Variants in SEMA5A observed in about 807,000 individuals in gnomAD.
The protein encoded by SEMA5A is semaphorin-5A.
Under a neutral mutation model 135.5 loss-of-function variants are expected in SEMA5A, and 55 were observed. The ratio of observed to expected loss-of-function variants is 0.41; its 90% CI spans 0.33 to 0.51. The LOEUF (loss-of-function observed/expected upper bound fraction) is 0.51. Ranked by LOEUF, SEMA5A falls within the 20% of genes least tolerant of loss-of-function variation. The probability of loss-of-function intolerance (pLI) is 0.37; values close to 1 mark genes in which losing one functional copy is unlikely to be tolerated. For synonymous variants in SEMA5A, 580 were observed against 546.5 expected (o/e 1.06, Z -0.85); for missense variants, 1,290 against 1,419.9 (o/e 0.91, Z 1.47).
intron 14 of SEMA5A, 151 bp from the exon 15 acceptor site, chr5:9,119,292 T>C (rs1740687714): frequency 4.6e-6 from 4 of 877,846 alleles, no homozygotes; most frequent in Admixed American, 2.9e-5. Context: ...CTGAATGGAC[T>C]GCACCCTGTG....
At position 9,155,159 on chromosome 5, in the gene SEMA5A, C is replaced by T. The variant is rs76180327; in HGVS notation, c.1274-464G>A. On this transcript the variant is annotated intron_variant, in intron 11 of 22. Coordinates refer to ENST00000382496, the MANE Select transcript of SEMA5A (RefSeq NM_003966.3). ...TCCAGTACGACTGTGATGCCCCCTC[C>T]TCCTTCCTGCCACGAGAAGTACACC... is the stretch of plus-strand genomic sequence containing the variant. Among the ~76,000 whole-genome samples the T allele has an allele frequency of 1.4e-4, 21 of 152,288 alleles. No individual in the cohort carries two copies. The East Asian group carries it at 3.1e-3, about 22-fold the overall frequency.
At chr5:9,326,600 C>T (rs889040812) in intron 4 of SEMA5A, among the ~76,000 whole-genome samples, 1 of 151,972 alleles carries the variant, frequency 6.6e-6, no homozygotes, top group Non-Finnish European at 1.5e-5. Flanking sequence ...GCCAACATGG[C>T]GGGAACCTAC....
chr5:9,518,624 C>T, intron 1 of SEMA5A, among the ~76,000 whole-genome samples: 1 of 152,182 alleles, frequency 6.6e-6, no homozygotes, highest in East Asian at 1.9e-4. Flanking sequence ...AATTCCACTG[C>T]CATAAGCAAC....
At position 9,195,414 on chromosome 5, in the gene SEMA5A, C is replaced by G. The variant is rs1264106175; in HGVS notation, c.1068+1754G>C. 3.3e-5 allele frequency among the ~76,000 whole-genome samples: 5 copies of G among 152,284 alleles called. No individual in the cohort carries two copies. The East Asian group carries it at 9.7e-4, about 29-fold the overall frequency. On this transcript the variant is annotated intron_variant, in intron 10 of 22. Transcript: ENST00000382496. ...CTCGAAATCCTGGCCTCAGGAGATCCTCCTGCCTTGGCCTCACAAAGCACT... is the reference window on the plus strand; with the variant it reads ...CTCGAAATCCTGGCCTCAGGAGATCGTCCTGCCTTGGCCTCACAAAGCACT...
intron 17 of SEMA5A, 84 bp downstream of exon 17, chr5:9,066,337 G>T: frequency 7.7e-7 from 1 of 1,291,586 alleles, no homozygotes; most frequent in Non-Finnish European, 1.1e-6. Context: ...AAAGGAAAAT[G>T]CCCCCTTGCT....
chr5:9,273,310 A>G (rs1750084290), intron 5 of SEMA5A, among the ~76,000 whole-genome samples: 2 of 152,130 alleles, frequency 1.3e-5, no homozygotes, highest in African/African-American at 2.4e-5. Context: ...AAAGAAATGA[A>G]CAAAGCCCCC....
intron 6 of SEMA5A, among the ~76,000 whole-genome samples, chr5:9,235,987 A>C (rs113832915): frequency 0.071 from 10,816 of 152,250 alleles, 507 homozygotes; most frequent in Non-Finnish European, 0.1. Context: ...CACGTCTTAC[A>C]TGGCAGCAGG....
At chr5:9,485,709 T>C (rs1221868562) in intron 1 of SEMA5A, among the ~76,000 whole-genome samples, 1 of 152,088 alleles carries the variant, frequency 6.6e-6, no homozygotes, top group Non-Finnish European at 1.5e-5. Flanking sequence ...ACCAACATCC[T>C]CAATGATCTC....
chr5:9,384,675 T>TAGATAGATAGATATAGATAGATATAG (rs70943959), intron 2 of SEMA5A, among the ~76,000 whole-genome samples: 18 of 64,172 alleles, frequency 2.8e-4, no homozygotes, highest in Non-Finnish European at 5.0e-4. Flanking sequence ...GATAGATAGA[T>TAGATAGATAGATATAGATAGATATAG]ATAGATAGAT....
chr5:9,169,543 C>T (rs999887232), intron 11 of SEMA5A, among the ~76,000 whole-genome samples: 18 of 152,172 alleles, frequency 1.2e-4, no homozygotes, highest in Non-Finnish European at 2.2e-4. Flanking sequence ...GTAATGTTCA[C>T]GTGATGCAAA....
intron 1 of SEMA5A, among the ~76,000 whole-genome samples, chr5:9,465,005 G>A (rs1347343279): frequency 5.3e-5 from 8 of 152,190 alleles, no homozygotes; most frequent in Admixed American, 5.2e-4. Context: ...GCTTCTTTAA[G>A]GAGCCCCAAC....
At chr5:9,471,732 A>G (rs887800487) in intron 1 of SEMA5A, among the ~76,000 whole-genome samples, 2 of 152,234 alleles carry the variant, frequency 1.3e-5, no homozygotes, top group African/African-American at 2.4e-5. Flanking sequence ...TTTGCAACCA[A>G]TAAGTCTGCA....
Position 9,204,284 on chromosome 5 carries a change from C to T in SEMA5A, c.647-2044G>A, listed in dbSNP as rs913846917. On this transcript the variant is annotated intron_variant, in intron 8 of 22. Coordinates refer to ENST00000382496, the MANE Select transcript of SEMA5A (RefSeq NM_003966.3). The surrounding 1 kb of genome is among the most constrained non-coding windows in gnomAD (Gnocchi z 6.4). ...CGTAAGGGTCCAAGTGTGTCTAGCC[C>T]GGGACTTAGGTTACCAGCACACATG... 6.6e-6 allele frequency among the ~76,000 whole-genome samples: 1 copy of T among 152,082 alleles called. No homozygotes were observed. Among genetic ancestry groups the T allele is most frequent in the Non-Finnish European group, 1.5e-5 (1 of 68,014 alleles).
At chr5:9,487,607 CTACTT>C (rs1159479613) in intron 1 of SEMA5A, among the ~76,000 whole-genome samples, 1 of 152,164 alleles carries the variant, frequency 6.6e-6, no homozygotes. Context: ...ATAGTTCACT[CTACTT>C]TAAAGAGTTA....
At chr5:9,507,745 C>T (rs1006879548) in intron 1 of SEMA5A, among the ~76,000 whole-genome samples, 1 of 152,148 alleles carries the variant, frequency 6.6e-6, no homozygotes. Context: ...TGTCTCTCGC[C>T]TGTAATCCCA....
At chr5:9,518,434 C>T (rs559767263) in intron 1 of SEMA5A, among the ~76,000 whole-genome samples, 7 of 152,262 alleles carry the variant, frequency 4.6e-5, no homozygotes, top group Non-Finnish European at 1.0e-4. Context: ...TTAATTTACA[C>T]CTAAGGAAGC....
chr5:9,410,461 A>G (rs1010267594), intron 2 of SEMA5A, among the ~76,000 whole-genome samples: 4 of 152,178 alleles, frequency 2.6e-5, no homozygotes, highest in African/African-American at 9.7e-5. Flanking sequence ...TTTTCATTTC[A>G]CGTGTCTTTA....
chr5:9,180,162 A>C (rs1394111398), intron 11 of SEMA5A, among the ~76,000 whole-genome samples: 1 of 152,202 alleles, frequency 6.6e-6, no homozygotes, highest in Non-Finnish European at 1.5e-5. Flanking sequence ...ACTGTACTCC[A>C]GTATGACTTC....
chr5:9,082,666 T>C (rs1738455249), intron 16 of SEMA5A, among the ~76,000 whole-genome samples: 1 of 152,208 alleles, frequency 6.6e-6, no homozygotes, highest in Admixed American at 6.5e-5. Context: ...TTAAGTGAGA[T>C]AATGTGTTTA....
Sources: gnomAD v4.1 joint callset for allele counts (sites outside exome capture counted in the v4.1 genomes callset) on GRCh38, gnomAD v4.1.1 for gene constraint, Gnocchi (gnomAD v3.1) non-coding constraint, MANE v1.5 for transcripts, NCBI Gene and HGNC (gene_info 2026-07-23, HGNC 2026-07-21) for gene names.